The following FCMR variants were observed in gnomAD, a reference collection of about 807,000 sequenced individuals.
FCMR encodes immunoglobulin mu Fc receptor.
FCMR carries 34 observed loss-of-function variants against 41.6 expected under a neutral mutation model. That is an observed-to-expected ratio of 0.82 (90% CI 0.62 to 1.09). The LOEUF (loss-of-function observed/expected upper bound fraction) is 1.09. FCMR is among the 50% of genes least tolerant of loss of function. The probability of loss-of-function intolerance (pLI) is 0.00; values close to 1 mark genes in which losing one functional copy is unlikely to be tolerated. For missense variants in FCMR, 496 were observed against 512.5 expected (o/e 0.97, Z 0.31); for synonymous variants, 209 against 211.8 (o/e 0.99, Z 0.12).
At chr1:206,906,071 C>A in intron 7 of FCMR, 2 of 347,582 alleles carry the variant, frequency 5.8e-6, no homozygotes, top group South Asian at 2.9e-5. Flanking sequence ...GAAACTCAGT[C>A]AAGTAATCAG....
intron 1 of FCMR, chr1:206,917,867 C>T (rs35483626): frequency 1.1e-5 from 5 of 452,804 alleles, no homozygotes; most frequent in African/African-American, 1.0e-4. Flanking sequence ...ATCCACCCAC[C>T]TCAGCCTCCC....
intron 4 of FCMR, among the ~76,000 whole-genome samples, chr1:206,910,658 A>G (rs1017933857): frequency 2.6e-5 from 4 of 152,188 alleles, no homozygotes; most frequent in African/African-American, 9.6e-5. Flanking sequence ...GAGTGGATAT[A>G]AAGAATTTAA....
At chr1:206,908,030 TG>T in intron 7 of FCMR, 1 of 1,276,504 alleles carries the variant, frequency 7.8e-7, no homozygotes, top group East Asian at 2.3e-5. Flanking sequence ...TTTGCCTATC[TG>T]GAGCGCCTGG....
chr1:206,915,451 G>A (rs1679150726), intron 1 of FCMR, among the ~76,000 whole-genome samples: 2 of 152,144 alleles, frequency 1.3e-5, no homozygotes, highest in African/African-American at 2.4e-5. Context: ...GTGTATGTGT[G>A]CATAGGTGTG....
chr1:206,905,034 G>GA lies in FCMR; in HGVS notation c.1157dup (p.Asn387GlnfsTer28), dbSNP rs759061161. 3.7e-6 allele frequency: 6 copies of GA among 1,614,092 alleles called. No homozygotes were observed. The highest frequency in any genetic ancestry group is 5.1e-6 in the Non-Finnish European group (6 of 1,180,006). The stretch of plus-strand genomic sequence containing the variant: ...TGGGGAGTTGTCAGGCAGGAACATT[G>GA]ATGTAGTCATCTGAATCACTGTCCT... On this transcript the variant is annotated frameshift_variant, in exon 8 of 8. Coordinates refer to ENST00000367091, the MANE Select transcript of FCMR (RefSeq NM_005449.5). LOFTEE classifies it high-confidence loss of function.
In FCMR at chr1:206,911,922, G is replaced by A. The variant is rs144958422; in HGVS notation, c.518C>T (p.Pro173Leu). The A allele has an allele frequency of 6.4e-4, 1,022 of 1,607,744 alleles. 2 individuals are homozygous for A. The Middle Eastern group carries it at 7.1e-3, about 11-fold the overall frequency. The change falls in exon 4 of 8, where the codon CCT becomes CTT. Residue 173 changes from proline to leucine, a missense_variant. Coordinates refer to ENST00000367091, the MANE Select transcript of FCMR (RefSeq NM_005449.5). ...GGTGGGGGAGGAGTGGTGAACTGGA[G>A]GGACCTTGCCCCTTTGAGCTGGTGT... ...VTTPAQRGKV[P>L]PVHHSSPTTQ...
At chr1:206,913,080 G>T (rs188217894) in intron 2 of FCMR, 38 bp from the exon 3 acceptor site, 5 of 1,494,786 alleles carry the variant, frequency 3.3e-6, no homozygotes, top group African/African-American at 1.4e-5. Flanking sequence ...TGGTCTCTAG[G>T]GGGAGACTGA....
At chr1:206,912,563 C>T (rs1471263273) in intron 3 of FCMR, among the ~76,000 whole-genome samples, 2 of 152,196 alleles carry the variant, frequency 1.3e-5, no homozygotes, top group South Asian at 2.1e-4. Flanking sequence ...GACAGCCCTA[C>T]GGGAAGCACG....
At chr1:206,907,871 G>T in intron 7 of FCMR, 1 of 1,328,626 alleles carries the variant, frequency 7.5e-7, no homozygotes, top group Non-Finnish European at 1.1e-6. Context: ...GCACAAGTAC[G>T]AGGCTTGCTG....
At position 206,904,746 on chromosome 1, in the gene FCMR, G is replaced by A. The variant is rs997185293; in HGVS notation, c.*273C>T. On this transcript the variant is annotated 3_prime_UTR_variant, in exon 8 of 8. Transcript: ENST00000367091. The stretch of plus-strand genomic sequence containing the variant: ...ACTCTGCAAATCCCACAGTCTGTTC[G>A]ACGGCTTGGAAAGGAAGCAAGTGGC... 15 of 423,676 alleles carry A rather than the reference G, an allele frequency of 3.5e-5. No individual in the cohort carries two copies. The highest frequency in any genetic ancestry group is 1.6e-4 in the African/African-American group (8 of 49,598). The allele number at this position is 423,676 out of a possible 1,614,324, so 26.2% of individuals were successfully genotyped here.
At chr1:206,905,204 C>T (rs1678573001) in intron 7 of FCMR, 57 bp from the exon 8 acceptor site, 2 of 1,602,318 alleles carry the variant, frequency 1.2e-6, no homozygotes, top group Non-Finnish European at 1.7e-6. Context: ...TAATATCTCC[C>T]CAGGTGGATT....
At chr1:206,905,567 C>T (rs777007329) in intron 7 of FCMR, among the ~76,000 whole-genome samples, 1 of 152,150 alleles carries the variant, frequency 6.6e-6, no homozygotes, top group South Asian at 2.1e-4. Context: ...GATGTGGCGT[C>T]GTGACAGTGC....
intron 7 of FCMR, among the ~76,000 whole-genome samples, chr1:206,908,562 G>A (rs1312499162): frequency 6.6e-6 from 1 of 152,156 alleles, no homozygotes; most frequent in Non-Finnish European, 1.5e-5. Flanking sequence ...TAGCTCTGCA[G>A]CTGTTAGAAT....
rs1679456702 is a variant in FCMR, at chr1:206,921,911, A to T, written c.-57T>A. On this transcript the variant is annotated 5_prime_UTR_variant, in exon 1 of 8. Coordinates refer to ENST00000367091, the MANE Select transcript of FCMR (RefSeq NM_005449.5). ...AGCCCCTAGAGAGGGGGATGGAGAC[A>T]CGCTGCTTACTCAGGAACCCTTCAC... 18 of 1,487,690 alleles carry T rather than the reference A, an allele frequency of 1.2e-5. No individual in the cohort carries two copies. Among genetic ancestry groups the T allele is most frequent in the Non-Finnish European group, 1.7e-5 (18 of 1,065,266 alleles). 92.2% of individuals were successfully genotyped at this position (1,487,690 alleles called of 1,614,324 possible).
In FCMR at chr1:206,910,455, G is replaced by A. The variant is rs555371421; in HGVS notation, c.711-115C>T. The A allele has an allele frequency of 2.3e-5, 19 of 812,584 alleles. No individual in the cohort carries two copies. The East Asian group carries it at 6.0e-4, about 26-fold the overall frequency. The allele number at this position is 812,584 out of a possible 1,614,324, so 50.3% of individuals were successfully genotyped here. A position where few individuals can be genotyped will look rare whatever the true frequency, so the allele number is the denominator to read the frequency against. On this transcript the variant is annotated intron_variant, in intron 4 of 7. Coordinates refer to ENST00000367091, the MANE Select transcript of FCMR (RefSeq NM_005449.5). ...AGATGACTTACAGGTTTGTCCTTTT[G>A]TTAACAGAATTCACTCCACTCCCCC...
chr1:206,912,939 G>A lies in FCMR; in HGVS notation c.477C>T (p.Phe159=), dbSNP rs199994920. The A allele has an allele frequency of 2.5e-6, 4 of 1,611,350 alleles. No individual in the cohort carries two copies. Among genetic ancestry groups the A allele is most frequent in the Middle Eastern group, 1.7e-4 (1 of 6,058 alleles). The change falls in exon 3 of 8, where the codon TTC becomes TTT. Residue 159 remains phenylalanine (F), a synonymous_variant. Coordinates refer to ENST00000367091, the MANE Select transcript of FCMR (RefSeq NM_005449.5). ...CTATGGTGAACTGACCTCTGGTTAC[G>A]AATTTGGAAGAACTGGCATATGCAG... is the stretch of plus-strand genomic sequence containing the variant. ...QMPAYASSSK[F]VTRVTTPAQR... is the part of the protein sequence containing the mutation.
chr1:206,916,724 G>A (rs1378130217), intron 1 of FCMR, among the ~76,000 whole-genome samples: 1 of 152,228 alleles, frequency 6.6e-6, no homozygotes, highest in Non-Finnish European at 1.5e-5. Flanking sequence ...AGAAAAGACA[G>A]ATATAAGCTA....
At chr1:206,908,233 C>T in intron 7 of FCMR, 2 of 1,360,610 alleles carry the variant, frequency 1.5e-6, no homozygotes, top group Admixed American at 3.6e-5. Flanking sequence ...GGTCTGAGCC[C>T]AATAAAGACT....
rs1679063025 is a variant in FCMR, at chr1:206,914,028, A to G, written c.104T>C (p.Ile35Thr). The G allele has an allele frequency of 2.5e-6, 4 of 1,614,044 alleles. No individual in the cohort carries two copies. The highest frequency in any genetic ancestry group is 2.7e-5 in the African/African-American group (2 of 74,916). The part of the protein sequence containing the change: ...VEGELGGSVT[I>T]KCPLPEMHVR... ...ATGCATTTCAGGAAGTGGGCACTTG[A>G]TGGTAACTGATCCGCCCAGCTCCCC... Residue 35 changes from isoleucine (I) to threonine (T), a missense_variant, in exon 2 of 8, where the codon ATC (isoleucine) becomes ACC (threonine). Physicochemically the swap from Ile to Thr is moderately conservative, Grantham distance 89. Transcript: ENST00000367091.
Sources: gnomAD v4.1 joint callset for allele counts (sites outside exome capture counted in the v4.1 genomes callset) on GRCh38, gnomAD v4.1.1 for gene constraint, MANE v1.5 for transcripts, NCBI Gene and HGNC (gene_info 2026-07-23, HGNC 2026-07-21) for gene names.